Variants in CADM1 observed in about 807,000 individuals in gnomAD.
CADM1 encodes cell adhesion molecule 1, also known as TSLC-1.
In CADM1, 15 loss-of-function variants were observed where a neutral mutation model predicts 53.1. The observed-to-expected ratio is 0.28, with a 90% CI of 0.19 to 0.44. The LOEUF (loss-of-function observed/expected upper bound fraction) is 0.44. CADM1 is among the 20% of genes least tolerant of loss of function. The pLI, the probability that CADM1 is intolerant of heterozygous loss-of-function variation, is 1.00. For missense variants in CADM1, 434 were observed against 611.3 expected (o/e 0.71, Z 3.06); for synonymous variants, 281 against 243.0 (o/e 1.16, Z -1.45).
chr11:115,268,806 T>C (rs554963957), intron 1 of CADM1, among the ~76,000 whole-genome samples: 2 of 152,294 alleles, frequency 1.3e-5, no homozygotes, highest in East Asian at 1.9e-4. Context: ...TTACCAGTGA[T>C]AAGGTTGGGC....
At chr11:115,226,810 G>T (rs1273762194) in intron 5 of CADM1, among the ~76,000 whole-genome samples, 2 of 152,192 alleles carry the variant, frequency 1.3e-5, no homozygotes, top group Non-Finnish European at 2.9e-5. Flanking sequence ...TTCAAGGAGA[G>T]TAAAGCTGGT....
chr11:115,328,715 T>C (rs11215496), intron 1 of CADM1, among the ~76,000 whole-genome samples: 3,750 of 53,124 alleles, frequency 0.071, 689 homozygotes, highest in East Asian at 0.57. Context: ...TATATATATG[T>C]GTATATATAT....
chr11:115,385,697 T>C (rs1327851723), intron 1 of CADM1, among the ~76,000 whole-genome samples: 1 of 151,246 alleles, frequency 6.6e-6, no homozygotes, highest in East Asian at 1.9e-4. Flanking sequence ...ATCAAGATTT[T>C]GCAATCTGCC....
intron 10 of CADM1, among the ~76,000 whole-genome samples, chr11:115,187,355 A>G (rs1939611471): frequency 6.6e-6 from 1 of 152,234 alleles, no homozygotes; most frequent in Non-Finnish European, 1.5e-5. Flanking sequence ...GGAAGGCCAT[A>G]TATCCCCACC....
intron 1 of CADM1, among the ~76,000 whole-genome samples, chr11:115,320,238 T>G (rs1184973855): frequency 1.6e-4 from 25 of 152,028 alleles, no homozygotes; most frequent in Non-Finnish European, 1.5e-5. Context: ...CTTAAAATTA[T>G]TTTTTATAGA....
chr11:115,411,340 G>GT (rs1947455522), intron 1 of CADM1, among the ~76,000 whole-genome samples: 1 of 152,164 alleles, frequency 6.6e-6, no homozygotes, highest in African/African-American at 2.4e-5. Context: ...AACACAATCT[G>GT]TACCACTCAA....
At chr11:115,419,122 T>C (rs528563919) in intron 1 of CADM1, among the ~76,000 whole-genome samples, 2 of 152,346 alleles carry the variant, frequency 1.3e-5, no homozygotes, top group South Asian at 2.1e-4. Context: ...CAGAAGCATA[T>C]GCTACTTCCC....
At chr11:115,497,705 C>T (rs1949649549) in intron 1 of CADM1, among the ~76,000 whole-genome samples, 2 of 152,114 alleles carry the variant, frequency 1.3e-5, no homozygotes, top group South Asian at 4.1e-4. Context: ...GGGTTCCTTC[C>T]TTCATTGATG....
At chr11:115,328,705 T>TATATATATGTGTATATATGTATATAC (rs1945039747) in intron 1 of CADM1, among the ~76,000 whole-genome samples, 1 of 16,086 alleles carries the variant, frequency 6.2e-5, no homozygotes, top group Non-Finnish European at 8.7e-5. Context: ...TATATATGTA[T>TATATATATGTGTATATATGTATATAC]ATATATATGT....
intron 1 of CADM1, among the ~76,000 whole-genome samples, chr11:115,257,941 G>T (rs1942846684): frequency 6.6e-6 from 1 of 152,340 alleles, no homozygotes; most frequent in South Asian, 2.1e-4. Context: ...AAGCTCACAG[G>T]TGATGCTGAC....
intron 3 of CADM1, among the ~76,000 whole-genome samples, chr11:115,233,905 C>T (rs970728928): frequency 1.3e-5 from 2 of 152,156 alleles, no homozygotes; most frequent in African/African-American, 2.4e-5. Context: ...ACTGGCAACC[C>T]GGGAAATCCC....
intron 1 of CADM1, among the ~76,000 whole-genome samples, chr11:115,398,726 G>T (rs972329870): frequency 1.3e-5 from 2 of 152,128 alleles, no homozygotes; most frequent in East Asian, 1.9e-4. Flanking sequence ...ATTCCACTAA[G>T]GCCACTTGTG....
chr11:115,203,496 T>C, intron 8 of CADM1, among the ~76,000 whole-genome samples: 1 of 152,168 alleles, frequency 6.6e-6, no homozygotes, highest in Non-Finnish European at 1.5e-5. Flanking sequence ...GGCTGGGTCC[T>C]TCCAGTCAAG....
chr11:115,363,978 G>A (rs1277389828), intron 1 of CADM1, among the ~76,000 whole-genome samples: 2 of 151,970 alleles, frequency 1.3e-5, no homozygotes, highest in African/African-American at 2.4e-5. Context: ...GGAGCAATAA[G>A]CTGTAGCATA....
chr11:115,482,545 A>G (rs1949281354), intron 1 of CADM1, among the ~76,000 whole-genome samples: 1 of 152,188 alleles, frequency 6.6e-6, no homozygotes, highest in Non-Finnish European at 1.5e-5. Flanking sequence ...AAGCTTCTCT[A>G]TATTCACTGT....
intron 1 of CADM1, among the ~76,000 whole-genome samples, chr11:115,327,766 T>G (rs1944998625): frequency 6.6e-6 from 1 of 152,182 alleles, no homozygotes; most frequent in Non-Finnish European, 1.5e-5. Context: ...GAAGATTGTA[T>G]TAGTACCTAC....
intron 1 of CADM1, among the ~76,000 whole-genome samples, chr11:115,384,889 T>G (rs560039484): frequency 6.6e-6 from 1 of 152,358 alleles, no homozygotes; most frequent in East Asian, 1.9e-4. Flanking sequence ...TCAAGTCATT[T>G]GCTAGTGTAA....
rs549565227 is a variant in CADM1 at position 115,308,319 on chromosome 11, C to A, written c.125-67899G>T. On this transcript the variant is annotated intron_variant, in intron 1 of 11. Coordinates refer to ENST00000331581, the MANE Select transcript of CADM1 (RefSeq NM_001301043.2). ...ACACTCCACTGTCTATTGAAGAAAC[C>A]CAACTTGCTTTCTAGAAATAATTTT... Among the ~76,000 whole-genome samples the A allele has an allele frequency of 2.0e-5, 3 of 151,500 alleles. No individual in the cohort carries two copies. In the South Asian group the frequency reaches 6.3e-4, roughly 32 times the overall value.
chr11:115,269,057 C>T (rs111614197), intron 1 of CADM1, among the ~76,000 whole-genome samples: 2,364 of 152,192 alleles, frequency 0.016, 27 homozygotes, highest in African/African-American at 0.027. Context: ...TTTCTCTCCT[C>T]GGCCATAGCT....
Sources: allele counts gnomAD v4.1 joint callset (sites outside exome capture counted in the v4.1 genomes callset), GRCh38; gene constraint gnomAD v4.1.1; transcripts MANE v1.5; gene names NCBI Gene and HGNC (gene_info 2026-07-23, HGNC 2026-07-21).